Variants in MFN1 observed in about 807,000 individuals in gnomAD.
MFN1 encodes the protein mitofusin 1.
In MFN1, 65 loss-of-function variants were observed where a neutral mutation model predicts 92.4. The ratio of observed to expected loss-of-function variants is 0.70; its 90% confidence interval spans 0.58 to 0.86. MFN1 has a LOEUF of 0.86. Ranked by LOEUF, MFN1 falls within the 40% of genes least tolerant of loss-of-function variation. The pLI is 0.00. For synonymous variants in MFN1, 297 were observed against 300.9 expected, an observed-to-expected ratio of 0.99 and a Z score of 0.13; for missense variants, 781 against 868.0, an observed-to-expected ratio of 0.90 and a Z score of 1.26.
chr3:179,377,792 C>G (rs764771816), intron 12 of MFN1, among the ~76,000 whole-genome samples: 1 of 152,046 alleles, frequency 6.6e-6, no homozygotes, highest in Non-Finnish European at 1.5e-5. Flanking sequence ...AGGCTGGTTG[C>G]GGTGGCTCCC....
At chr3:179,359,110 GAACTGTT>G in intron 4 of MFN1, 108 bp downstream of exon 4, 2 of 1,191,756 alleles carry the variant, frequency 1.7e-6, no homozygotes, top group African/African-American at 3.1e-5. Flanking sequence ...CTTATAAAAA[GAACTGTT>G]AATATTTTTC....
intron 5 of MFN1, among the ~76,000 whole-genome samples, 174 bp from the exon 6 acceptor site, chr3:179,364,123 C>T (rs1712690461): frequency 6.6e-6 from 1 of 152,070 alleles, no homozygotes; most frequent in Non-Finnish European, 1.5e-5. Flanking sequence ...AAATATTGAG[C>T]ATGTTATTTG....
At position 179,378,330 on chromosome 3, in the gene MFN1, A is replaced by G. The variant is rs1295858120; in HGVS notation, c.1330-11A>G. The G allele has an allele frequency of 1.3e-5, 20 of 1,554,414 alleles. No homozygotes were observed. Among genetic ancestry groups the G allele is most frequent in the Non-Finnish European group, 1.7e-5 (19 of 1,145,316 alleles). The stretch of plus-strand genomic sequence containing the variant: ...AGAAAAAATAATATGGATATTTACC[A>G]TTGTTAACAGGAATTAAATAAGCAC... On this transcript the variant is annotated splice_polypyrimidine_tract_variant and intron_variant, in intron 12 of 17. Transcript: ENST00000471841.
chr3:179,388,235 G>T (rs1006187944), intron 16 of MFN1, among the ~76,000 whole-genome samples: 2 of 152,136 alleles, frequency 1.3e-5, no homozygotes, highest in African/African-American at 4.8e-5. Context: ...AATAGAGGTA[G>T]CCTGGCCAAG....
intron 5 of MFN1, among the ~76,000 whole-genome samples, chr3:179,363,598 C>A (rs545692269): frequency 1.1e-4 from 16 of 151,856 alleles, no homozygotes; most frequent in Non-Finnish European, 1.9e-4. Flanking sequence ...CTTAAGCAAC[C>A]CTTCCACCTC....
intron 3 of MFN1, among the ~76,000 whole-genome samples, chr3:179,353,562 T>C (rs1016408241): frequency 1.3e-5 from 2 of 152,162 alleles, no homozygotes; most frequent in South Asian, 4.1e-4. Context: ...TTATCTGGAT[T>C]ATGGCGGGGA....
intron 3 of MFN1, among the ~76,000 whole-genome samples, chr3:179,353,220 AT>A (rs34658521): frequency 0.18 from 23,150 of 130,778 alleles, 1,791 homozygotes; most frequent in Admixed American, 0.24. Flanking sequence ...CACCTGGCTA[AT>A]TTTTTTTTTT....
At position 179,350,455 on chromosome 3, in the gene MFN1, TA is replaced by T. The variant is rs1392115919; in HGVS notation, c.113-1444del. Among the ~76,000 whole-genome samples the T allele has an allele frequency of 1.4e-4, 22 of 152,266 alleles. No individual in the cohort carries two copies. In the East Asian group the frequency reaches 3.7e-3, roughly 25 times the overall value. On this transcript the variant is annotated intron_variant, in intron 2 of 17. Coordinates refer to ENST00000471841, the MANE Select transcript of MFN1 (RefSeq NM_033540.3). ...GCTGGCACAGTTGACTTTTTAAAAA[TA>T]TTTTTTTTTCTAAAAATAATAGGAA...
At chr3:179,387,807 C>A (rs1466649576) in intron 16 of MFN1, among the ~76,000 whole-genome samples, 1 of 150,222 alleles carries the variant, frequency 6.7e-6, no homozygotes, top group Non-Finnish European at 1.5e-5. Flanking sequence ...CGGCTCACCA[C>A]AACCTCCGCC....
At chr3:179,353,781 T>C (rs1465851277) in intron 3 of MFN1, among the ~76,000 whole-genome samples, 1 of 152,236 alleles carries the variant, frequency 6.6e-6, no homozygotes, top group Non-Finnish European at 1.5e-5. Context: ...ACTAAATAAC[T>C]TCATAGGCCT....
At chr3:179,373,915 T>G (rs184511908) in intron 9 of MFN1, among the ~76,000 whole-genome samples, 1 of 152,096 alleles carries the variant, frequency 6.6e-6, no homozygotes, top group Admixed American at 6.5e-5. Flanking sequence ...CCTCGTGATC[T>G]GCCCGCCTCG....
chr3:179,356,696 A>G (rs548549002), intron 3 of MFN1, among the ~76,000 whole-genome samples: 1 of 152,264 alleles, frequency 6.6e-6, no homozygotes, highest in African/African-American at 2.4e-5. Context: ...TAGTATGCAT[A>G]AGAATCATCC....
chr3:179,390,238 T>C, intron 17 of MFN1, 100 bp downstream of exon 17: 4 of 1,033,384 alleles, frequency 3.9e-6, no homozygotes, highest in Non-Finnish European at 5.2e-6. Context: ...AATAGCTTTT[T>C]GTGTTGGTTT....
At position 179,368,105 on chromosome 3, in the gene MFN1, T is replaced by A. The variant is rs1317665048; in HGVS notation, c.975+2T>A. ...CAGAATTTTGAACAAATCTTTGAGG[T>A]AGGAATTTTGTGATTGTATTGCCTA... On this transcript the variant is annotated splice_donor_variant, in intron 9 of 17. Coordinates refer to ENST00000471841, the MANE Select transcript of MFN1 (RefSeq NM_033540.3). LOFTEE classifies it high-confidence loss of function. 6.4e-7 allele frequency: 1 copy of A among 1,558,672 alleles called. No individual in the cohort carries two copies. Among genetic ancestry groups the A allele is most frequent in the Non-Finnish European group, 8.7e-7 (1 of 1,150,044 alleles).
chr3:179,354,848 G>A (rs946768507), intron 3 of MFN1, among the ~76,000 whole-genome samples: 1 of 152,090 alleles, frequency 6.6e-6, no homozygotes, highest in Non-Finnish European at 1.5e-5. Flanking sequence ...AGGCTGGAGC[G>A]CAGTGGCGTG....
chr3:179,348,666 T>C (rs36077761), intron 1 of MFN1, 179 bp from the exon 2 acceptor site: 118,049 of 838,910 alleles, frequency 0.14, 9,469 homozygotes, highest in Non-Finnish European at 0.16. Flanking sequence ...TAGTGAAATA[T>C]CATTCAAAAG....
At chr3:179,366,049 G>C (rs1712775055) in intron 7 of MFN1, among the ~76,000 whole-genome samples, 1 of 152,152 alleles carries the variant, frequency 6.6e-6, no homozygotes, top group Admixed American at 6.5e-5. Flanking sequence ...GGACAGTTTT[G>C]ACCTCAATGG....
intron 14 of MFN1, 52 bp downstream of exon 14, chr3:179,378,866 T>A: frequency 7.2e-7 from 1 of 1,394,296 alleles, no homozygotes; most frequent in Non-Finnish European, 9.9e-7. Context: ...ATTTTGTTTA[T>A]GTGGTTTTTC....
At chr3:179,374,637 T>C (rs1269447878) in intron 9 of MFN1, among the ~76,000 whole-genome samples, 1 of 152,046 alleles carries the variant, frequency 6.6e-6, no homozygotes, top group Non-Finnish European at 1.5e-5. Flanking sequence ...TAATTACAAT[T>C]ATCTTCTAAA....
Sources: gnomAD v4.1 joint callset for allele counts (sites outside exome capture counted in the v4.1 genomes callset) on GRCh38, gnomAD v4.1.1 for gene constraint, MANE v1.5 for transcripts, NCBI Gene and HGNC (gene_info 2026-07-23, HGNC 2026-07-21) for gene names.